TNIP3: variants seen among roughly 807,000 people sequenced by gnomAD.
TNIP3 encodes the protein TNFAIP3 interacting protein 3.
TNIP3 carries 34 observed loss-of-function variants against 54.1 expected under a neutral mutation model. The ratio of observed to expected loss-of-function variants is 0.63; its 90% CI spans 0.48 to 0.84. TNIP3 has a LOEUF of 0.84. Among genes scored for constraint, TNIP3 ranks in the 40% least tolerant of loss-of-function variants. The pLI, the probability that TNIP3 is intolerant of heterozygous loss-of-function variation, is 0.00. For synonymous variants in TNIP3, 134 were observed against 136.8 expected, an observed-to-expected ratio of 0.98 and a Z score of 0.14; for missense variants, 366 against 387.6, an observed-to-expected ratio of 0.94 and a Z score of 0.47.
intron 10 of TNIP3, among the ~76,000 whole-genome samples, chr4:121,138,265 C>G (rs10518383): frequency 0.25 from 37,496 of 152,034 alleles, 4,967 homozygotes; most frequent in African/African-American, 0.33. Context: ...GTCTAGCAAA[C>G]TCAACCTGGA....
chr4:121,197,975 A>G (rs1373177870), intron 2 of TNIP3, among the ~76,000 whole-genome samples: 2 of 152,240 alleles, frequency 1.3e-5, no homozygotes, highest in Admixed American at 6.5e-5. Context: ...AGATTCACTG[A>G]TATTACAGGC....
intron 1 of TNIP3, 77 bp downstream of exon 1, chr4:121,163,983 A>G (rs1730612846): frequency 2.6e-6 from 4 of 1,518,390 alleles, no homozygotes; most frequent in Admixed American, 3.7e-5. Context: ...GTTCTTATTA[A>G]TAAGTGCACA....
chr4:121,158,606 A>C (rs1730254007), intron 3 of TNIP3, 81 bp downstream of exon 3: 4 of 1,143,366 alleles, frequency 3.5e-6, no homozygotes, highest in Non-Finnish European at 5.2e-6. Flanking sequence ...TTTGTAGCTG[A>C]AATGAATGAG....
chr4:121,146,984 G>A lies in TNIP3; in HGVS notation c.735+65C>T, dbSNP rs971811371. On this transcript the variant is annotated intron_variant, in intron 7 of 10. Coordinates refer to ENST00000057513, the MANE Select transcript of TNIP3 (RefSeq NM_024873.6). The stretch of plus-strand genomic sequence containing the variant: ...CAATTAACAGAAGTCCAAACGTCTT[G>A]AATTTTTTTAAATGAAAAAAATATA... 5.9e-6 allele frequency: 9 copies of A among 1,535,466 alleles called. No homozygotes were observed. In the African/African-American group the frequency reaches 9.8e-5, roughly 17 times the overall value.
intron 2 of TNIP3, among the ~76,000 whole-genome samples, chr4:121,205,779 C>T (rs185257950): frequency 6.6e-6 from 1 of 152,158 alleles, no homozygotes. Flanking sequence ...AATAAAGTTG[C>T]CCTTTATTGA....
intron 2 of TNIP3, chr4:121,216,268 C>A: frequency 1.6e-6 from 1 of 612,324 alleles, no homozygotes; most frequent in Non-Finnish European, 2.7e-6. Context: ...TACTGTTACC[C>A]GTCATCTTTT....
In TNIP3 at chr4:121,161,087, C is replaced by T. The variant is rs555746633; in HGVS notation, c.147+49G>A. On this transcript the variant is annotated intron_variant, in intron 2 of 10. Transcript: ENST00000057513. ...CAAGGATAATACATTATTTTATCCT[C>T]AGCATTAATCCATGGCACCTGTGGC... 4 of 1,348,094 alleles carry T rather than the reference C, an allele frequency of 3.0e-6. No homozygotes were observed. The Admixed American group carries it at 6.0e-5, about 20-fold the overall frequency. The allele number at this position is 1,348,094 out of a possible 1,614,324, so 83.5% of individuals were successfully genotyped here. A position where few individuals can be genotyped will look rare whatever the true frequency, so the allele number is the denominator to read the frequency against.
intron 10 of TNIP3, among the ~76,000 whole-genome samples, chr4:121,134,196 C>T (rs568126342): frequency 1.3e-5 from 2 of 152,098 alleles, no homozygotes; most frequent in Non-Finnish European, 2.9e-5. Context: ...ACATTTTATG[C>T]CTTTCTAGAT....
At chr4:121,214,441 C>A (rs1486251594) in intron 2 of TNIP3, among the ~76,000 whole-genome samples, 1 of 152,140 alleles carries the variant, frequency 6.6e-6, no homozygotes, top group Non-Finnish European at 1.5e-5. Flanking sequence ...AATTGCATTG[C>A]TGGCTGTGGA....
At chr4:121,187,377 A>G (rs1725076982) in intron 2 of TNIP3, among the ~76,000 whole-genome samples, 1 of 152,160 alleles carries the variant, frequency 6.6e-6, no homozygotes, top group African/African-American at 2.4e-5. Flanking sequence ...TTACTCATAC[A>G]TATTTTTCAG....
At chr4:121,200,245 G>A (rs562033904) in intron 2 of TNIP3, among the ~76,000 whole-genome samples, 3 of 151,872 alleles carry the variant, frequency 2.0e-5, no homozygotes, top group Non-Finnish European at 4.4e-5. Flanking sequence ...TGGGTTCACC[G>A]AGACAACTGC....
At chr4:121,189,046 C>T (rs1349811507) in intron 2 of TNIP3, among the ~76,000 whole-genome samples, 1 of 152,130 alleles carries the variant, frequency 6.6e-6, no homozygotes, top group East Asian at 1.9e-4. Context: ...AAAATAATTA[C>T]ATTCAATAGG....
At chr4:121,190,607 T>G (rs1309880114) in intron 2 of TNIP3, among the ~76,000 whole-genome samples, 2 of 152,194 alleles carry the variant, frequency 1.3e-5, no homozygotes, top group Non-Finnish European at 2.9e-5. Flanking sequence ...GGGACACACC[T>G]GTCTGCTATA....
intron 3 of TNIP3, among the ~76,000 whole-genome samples, chr4:121,179,712 G>A (rs1199010237): frequency 6.6e-6 from 1 of 152,020 alleles, no homozygotes; most frequent in African/African-American, 2.4e-5. Context: ...TGCCACCTGA[G>A]TGGTGCAGCA....
intron 2 of TNIP3, among the ~76,000 whole-genome samples, chr4:121,191,897 A>G (rs1013708216): frequency 5.6e-4 from 85 of 152,186 alleles, no homozygotes; most frequent in African/African-American, 1.9e-3. Flanking sequence ...TTTTATTCAA[A>G]TCTTTGGAAA....
At chr4:121,200,082 C>G (rs1296437752) in intron 2 of TNIP3, among the ~76,000 whole-genome samples, 1 of 152,062 alleles carries the variant, frequency 6.6e-6, no homozygotes, top group Non-Finnish European at 1.5e-5. Context: ...TGGCATTTGG[C>G]ATTTCTTTCT....
chr4:121,189,962 A>C (rs1197808257), intron 2 of TNIP3, among the ~76,000 whole-genome samples: 1 of 152,134 alleles, frequency 6.6e-6, no homozygotes, highest in East Asian at 1.9e-4. Flanking sequence ...AGGACCGTGC[A>C]GGCAGAGGAG....
At chr4:121,176,782 C>T (rs773095003) in intron 3 of TNIP3, among the ~76,000 whole-genome samples, 8 of 151,878 alleles carry the variant, frequency 5.3e-5, no homozygotes, top group Non-Finnish European at 1.0e-4. Flanking sequence ...GTTTTTCCCT[C>T]ACAATCTTGT....
At chr4:121,217,039 T>C (rs540469615), upstream of TNIP3, among the ~76,000 whole-genome samples, 2 of 152,324 alleles carry the variant, frequency 1.3e-5, no homozygotes, top group South Asian at 4.1e-4. Flanking sequence ...AAAAAAACTG[T>C]ACTTCCGACA....
Sources: allele counts gnomAD v4.1 joint callset (sites outside exome capture counted in the v4.1 genomes callset), GRCh38; gene constraint gnomAD v4.1.1; transcripts MANE v1.5; gene names NCBI Gene and HGNC (gene_info 2026-07-23, HGNC 2026-07-21).